Variants in AGO3 observed in about 807,000 individuals in gnomAD.
AGO3 encodes protein argonaute-3.
Under a neutral mutation model 105.5 loss-of-function variants are expected in AGO3, and 16 were observed. The observed-to-expected ratio is 0.15, with a 90% CI of 0.10 to 0.23. The LOEUF (loss-of-function observed/expected upper bound fraction) is 0.23, where lower values mean the gene tolerates loss of function less well. Ranked by LOEUF, AGO3 falls within the 10% of genes least tolerant of loss-of-function variation. The pLI is 1.00. For missense variants in AGO3, 534 were observed against 1,088.0 expected (o/e 0.49, Z 7.16); for synonymous variants, 340 against 367.3 (o/e 0.93, Z 0.85).
At chr1:35,961,267 T>A (rs903623553) in intron 2 of AGO3, among the ~76,000 whole-genome samples, 3 of 152,118 alleles carry the variant, frequency 2.0e-5, no homozygotes, top group African/African-American at 7.2e-5. Flanking sequence ...TGGTATTTTT[T>A]AAATTAAATT....
intron 2 of AGO3, among the ~76,000 whole-genome samples, chr1:35,947,260 T>G (rs185077029): frequency 2.6e-5 from 4 of 152,038 alleles, no homozygotes; most frequent in Non-Finnish European, 5.9e-5. Flanking sequence ...GTTTTTTTTT[T>G]AACATGTTAT....
intron 11 of AGO3, among the ~76,000 whole-genome samples, chr1:36,020,070 C>G (rs1157984647): frequency 6.6e-6 from 1 of 152,148 alleles, no homozygotes; most frequent in Non-Finnish European, 1.5e-5. Flanking sequence ...CCATGCCCGG[C>G]CAGTATATAC....
chr1:36,020,575 G>T (rs866129271), intron 11 of AGO3, among the ~76,000 whole-genome samples: 3 of 152,022 alleles, frequency 2.0e-5, no homozygotes, highest in Admixed American at 6.6e-5. Flanking sequence ...GATTTTATTT[G>T]CTTGTGAAGT....
chr1:36,041,343 G>A lies in AGO3; in HGVS notation c.2172+902G>A, dbSNP rs547849302. Among the ~76,000 whole-genome samples, 20 of 143,378 alleles carry A rather than the reference G, an allele frequency of 1.4e-4. No homozygotes were observed. In the South Asian group the frequency reaches 3.9e-3, roughly 28 times the overall value. 94.1% of individuals were successfully genotyped at this position (143,378 alleles called of 152,430 possible). A position where few individuals can be genotyped will look rare whatever the true frequency, so the allele number is the denominator to read the frequency against. On this transcript the variant is annotated intron_variant, in intron 16 of 18. Transcript: ENST00000373191. ...TGCAAGCTCCGCCTCCCAGGTTCAC[G>A]CCATTCTTCTGCCTCAGCCTCCTGA...
At chr1:35,991,645 T>C (rs1438752514) in intron 5 of AGO3, among the ~76,000 whole-genome samples, 1 of 151,522 alleles carries the variant, frequency 6.6e-6, no homozygotes, top group East Asian at 1.9e-4. Flanking sequence ...ATAATTTTTC[T>C]TCAGAAATTC....
chr1:35,947,730 C>T (rs1646393617), intron 2 of AGO3, among the ~76,000 whole-genome samples: 1 of 152,050 alleles, frequency 6.6e-6, no homozygotes, highest in Admixed American at 6.6e-5. Flanking sequence ...TTTGGTCTTC[C>T]TTCACTCTCT....
intron 17 of AGO3, 52 bp downstream of exon 17, chr1:36,043,600 C>T (rs770989180): frequency 1.2e-5 from 17 of 1,391,498 alleles, no homozygotes; most frequent in Middle Eastern, 1.8e-4. Context: ...GTCATTCTTA[C>T]GTGTATTTTT....
At chr1:35,997,827 T>G (rs529055969) in intron 5 of AGO3, among the ~76,000 whole-genome samples, 2 of 152,086 alleles carry the variant, frequency 1.3e-5, no homozygotes, top group Non-Finnish European at 2.9e-5. Context: ...CTCCCGAGTA[T>G]CCAGGATTAT....
rs1193959959 is a variant in AGO3 at position 36,056,415 on chromosome 1, C to G, written c.*670C>G. 6.6e-6 allele frequency: 1 copy of G among 152,120 alleles called. No individual in the cohort carries two copies. The highest frequency in any genetic ancestry group is 1.5e-5 in the Non-Finnish European group (1 of 68,022). 9.4% of individuals were successfully genotyped at this position (152,120 alleles called of 1,614,324 possible). A position where few individuals can be genotyped will look rare whatever the true frequency, so the allele number is the denominator to read the frequency against. On this transcript the variant is annotated 3_prime_UTR_variant, in exon 19 of 19. Transcript: ENST00000373191. The stretch of plus-strand genomic sequence containing the variant: ...TTTTCCCAGTCCTACCAGTGACATT[C>G]AAATGTTGATGTATCTGGTTCGTTT...
intron 17 of AGO3, among the ~76,000 whole-genome samples, chr1:36,047,827 T>G (rs1642539256): frequency 6.6e-6 from 1 of 151,724 alleles, no homozygotes; most frequent in Non-Finnish European, 1.5e-5. Flanking sequence ...TGCAACGAGC[T>G]GAGATCACAC....
At chr1:36,042,638 T>G (rs1642297596) in intron 16 of AGO3, among the ~76,000 whole-genome samples, 1 of 152,146 alleles carries the variant, frequency 6.6e-6, no homozygotes, top group African/African-American at 2.4e-5. Flanking sequence ...AGACTTACAG[T>G]TAATGATTTT....
At chr1:36,032,978 A>AG (rs912816604) in intron 12 of AGO3, among the ~76,000 whole-genome samples, 3 of 152,112 alleles carry the variant, frequency 2.0e-5, no homozygotes, top group Admixed American at 2.0e-4. Context: ...TACAAAAAAA[A>AG]AAAATTATCA....
At position 36,014,060 on chromosome 1, in the gene AGO3, C is replaced by G; in HGVS notation, c.1406+12C>G. On this transcript the variant is annotated intron_variant, in intron 11 of 18. Transcript: ENST00000373191. ...GAAGAAATATTGAAGTAAGACATGTCATTACCTTGGCTTTGGGACTTTTTT... is the reference window on the plus strand; with the variant it reads ...GAAGAAATATTGAAGTAAGACATGTGATTACCTTGGCTTTGGGACTTTTTT... The G allele has an allele frequency of 6.2e-7, 1 of 1,613,916 alleles. No individual in the cohort carries two copies. The highest frequency in any genetic ancestry group is 8.5e-7 in the Non-Finnish European group (1 of 1,179,938).
intron 9 of AGO3, among the ~76,000 whole-genome samples, chr1:36,012,550 TTATAA>T (rs1331498397): frequency 6.6e-6 from 1 of 152,066 alleles, no homozygotes; most frequent in Non-Finnish European, 1.5e-5. Flanking sequence ...TAAATAAATT[TTATAA>T]TATGGCACTG....
chr1:36,039,232 A>G (rs1642143292), intron 14 of AGO3, among the ~76,000 whole-genome samples: 1 of 152,178 alleles, frequency 6.6e-6, no homozygotes, highest in Non-Finnish European at 1.5e-5. Context: ...GCGGTGGCTC[A>G]TGCCTGTAAT....
chr1:35,962,242 T>C (rs1646689707), intron 2 of AGO3, among the ~76,000 whole-genome samples: 1 of 152,100 alleles, frequency 6.6e-6, no homozygotes, highest in South Asian at 2.1e-4. Context: ...ATAAACACTC[T>C]AGTGAAAACA....
Position 36,036,032 on chromosome 1 carries a change from CAAAAAAAA to C in AGO3, c.1752-131_1752-124del, listed in dbSNP as rs11312730. The stretch of plus-strand genomic sequence containing the variant: ...TGGGTGACAGAGCGAGACTCCGTCT[CAAAAAAAA>C]AAAAAAAAAAAAATTTGGATTACAT... On this transcript the variant is annotated intron_variant, in intron 13 of 18. Coordinates refer to ENST00000373191, the MANE Select transcript of AGO3 (RefSeq NM_024852.4). 3 of 351,426 alleles carry C rather than the reference CAAAAAAAA, an allele frequency of 8.5e-6. No individual in the cohort carries two copies. The South Asian group carries it at 1.0e-4, about 12-fold the overall frequency. The allele number at this position is 351,426 out of a possible 1,614,324, so 21.8% of individuals were successfully genotyped here. A position where few individuals can be genotyped will look rare whatever the true frequency, so the allele number is the denominator to read the frequency against.
intron 9 of AGO3, among the ~76,000 whole-genome samples, chr1:36,011,428 T>C (rs1640608666): frequency 1.3e-5 from 2 of 151,984 alleles, no homozygotes; most frequent in Admixed American, 1.3e-4. Context: ...TAGGAAAATA[T>C]ATGCTGGTTT....
intron 1 of AGO3, among the ~76,000 whole-genome samples, chr1:35,934,742 C>T (rs894240914): frequency 1.3e-5 from 2 of 151,998 alleles, no homozygotes; most frequent in Admixed American, 6.6e-5. Flanking sequence ...CCTCTGCCTC[C>T]TGGGTTCAAG....
Sources: allele counts gnomAD v4.1 joint callset (sites outside exome capture counted in the v4.1 genomes callset), GRCh38; gene constraint gnomAD v4.1.1; transcripts MANE v1.5; gene names NCBI Gene and HGNC (gene_info 2026-07-23, HGNC 2026-07-21).